LBX1: variants seen among roughly 807,000 people sequenced by gnomAD.
The protein encoded by LBX1 is ladybird homeobox 1.
Under a neutral mutation model 19.9 loss-of-function variants are expected in LBX1, and 6 were observed. That is an observed-to-expected ratio of 0.30 (90% CI 0.17 to 0.60). The LOEUF (loss-of-function observed/expected upper bound fraction) is 0.60. Ranked by LOEUF, LBX1 falls within the 20% of genes least tolerant of loss-of-function variation. The probability of loss-of-function intolerance (pLI) is 0.87; values close to 1 mark genes in which losing one functional copy is unlikely to be tolerated. For missense variants in LBX1, 344 were observed against 393.7 expected, an observed-to-expected ratio of 0.87 and a Z score of 1.07; for synonymous variants, 190 against 189.3, an observed-to-expected ratio of 1.00 and a Z score of -0.03.
In LBX1 at chr10:101,227,399, T is replaced by A; in HGVS notation, c.717A>T (p.Pro239=). 2 of 1,601,910 alleles carry A rather than the reference T, an allele frequency of 1.2e-6. No individual in the cohort carries two copies. The highest frequency in any genetic ancestry group is 1.7e-6 in the Non-Finnish European group (2 of 1,176,618). ...KSRPGSPVLP[P]GAPKAPGAGA... The stretch of plus-strand genomic sequence containing the variant: ...CAGCGCCCGGGGCCTTCGGGGCGCC[T>A]GGGGGGAGGACCGGAGAGCCGGGCC... The change falls in exon 2 of 2, where the codon CCA becomes CCT. Residue 239 remains proline, a synonymous_variant. Transcript: ENST00000370193.
In LBX1 at chr10:101,227,153, A is replaced by G; in HGVS notation, c.*117T>C. ...AGGAGCCGAGTCCGGGGCCGGGGACAGGGGAGGAGGCGGGAGTTGGCAGAG... is the reference window on the plus strand; with the variant it reads ...AGGAGCCGAGTCCGGGGCCGGGGACGGGGGAGGAGGCGGGAGTTGGCAGAG... On this transcript the variant is annotated 3_prime_UTR_variant, in exon 2 of 2. Transcript: ENST00000370193. 1 of 983,890 alleles carries G rather than the reference A, an allele frequency of 1.0e-6. No individual in the cohort carries two copies. Among genetic ancestry groups the G allele is most frequent in the Non-Finnish European group, 1.5e-6 (1 of 683,272 alleles). 60.9% of individuals were successfully genotyped at this position (983,890 alleles called of 1,614,324 possible). A position where few individuals can be genotyped will look rare whatever the true frequency, so the allele number is the denominator to read the frequency against.
chr10:101,228,141 A>G (rs1590156714), intron 1 of LBX1, among the ~76,000 whole-genome samples: 1 of 152,046 alleles, frequency 6.6e-6, no homozygotes, highest in African/African-American at 2.4e-5. Flanking sequence ...CTTCAACTCT[A>G]CCCTACCCAT....
rs1408032429 is a variant in LBX1, at chr10:101,227,405, G to A, written c.711C>T (p.Leu237=). 3.1e-6 allele frequency: 5 copies of A among 1,598,976 alleles called. No homozygotes were observed. Among genetic ancestry groups the A allele is most frequent in the Non-Finnish European group, 3.4e-6 (4 of 1,175,116 alleles). The part of the protein sequence containing the change: ...RAKSRPGSPV[L]PPGAPKAPGA... ...CCGGGGCCTTCGGGGCGCCTGGGGG[G>A]AGGACCGGAGAGCCGGGCCTCGACT... is the stretch of plus-strand genomic sequence containing the variant. Residue 237 remains leucine (L), a synonymous_variant, in exon 2 of 2, where the codon CTC becomes CTT. Transcript: ENST00000370193.
At position 101,228,710 on chromosome 10, in the gene LBX1, A is replaced by G; in HGVS notation, c.106T>C (p.Phe36Leu). The change falls in exon 1 of 2, where the codon TTC becomes CTC. Residue 36 changes from phenylalanine to leucine, a missense_variant. Coordinates refer to ENST00000370193, the MANE Select transcript of LBX1 (RefSeq NM_006562.5). Reference sequence around the variant, plus strand: ...TTGTTGAGGATGTCCTCGATGCTGAACGGCGTCAGTGGCTTGTTGGAGTTG... The same window carrying G: ...TTGTTGAGGATGTCCTCGATGCTGAGCGGCGTCAGTGGCTTGTTGGAGTTG... ...PANSNKPLTP[F>L]SIEDILNKPS... 6.2e-7 allele frequency: 1 copy of G among 1,608,418 alleles called. No homozygotes were observed. Among genetic ancestry groups the G allele is most frequent in the African/African-American group, 1.4e-5 (1 of 73,854 alleles).
chr10:101,228,915 T>C lies in LBX1; in HGVS notation c.-100A>G. 1.3e-6 allele frequency: 1 copy of C among 787,690 alleles called. No homozygotes were observed. Among genetic ancestry groups the C allele is most frequent in the Non-Finnish European group, 1.7e-6 (1 of 590,794 alleles). 48.8% of individuals were successfully genotyped at this position (787,690 alleles called of 1,614,324 possible). On this transcript the variant is annotated 5_prime_UTR_variant, in exon 1 of 2. Transcript: ENST00000370193. The stretch of plus-strand genomic sequence containing the variant: ...GACGGCGCGGGCAGGCAGCGGCGGG[T>C]GGAAAGGAGGCCGCACTGGGCAGGG...
Position 101,228,869 on chromosome 10 carries a change from C to T in LBX1, c.-54G>A. 1.6e-6 allele frequency: 2 copies of T among 1,260,750 alleles called. No individual in the cohort carries two copies. The highest frequency in any genetic ancestry group is 2.8e-4 in the Middle Eastern group (1 of 3,512). The allele number at this position is 1,260,750 out of a possible 1,614,324, so 78.1% of individuals were successfully genotyped here. A position where few individuals can be genotyped will look rare whatever the true frequency, so the allele number is the denominator to read the frequency against. On this transcript the variant is annotated 5_prime_UTR_variant, in exon 1 of 2. Transcript: ENST00000370193. The stretch of plus-strand genomic sequence containing the variant: ...GCGGCTCGGGCCGCGGGGACCCAGC[C>T]CGCGGGCAGCTCGGGCGCCGGACGG...
chr10:101,227,314 A>C lies in LBX1; in HGVS notation c.802T>G (p.Cys268Gly). Residue 268 changes from cysteine to glycine, a missense_variant, in exon 2 of 2, where the codon TGC (cysteine) becomes GGC (glycine). Cys to Gly is a radical substitution (Grantham distance 159). Transcript: ENST00000370193. ...TCTTCGTCTTCCTCGTCCTCCGAGCAGTCCTGGCTGCTGGCCGGCTGGTCC... is the reference window on the plus strand; with the variant it reads ...TCTTCGTCTTCCTCGTCCTCCGAGCCGTCCTGGCTGCTGGCCGGCTGGTCC... ...LTDQPASSQD[C>G]SEDEEDEEID... is the part of the protein sequence containing the mutation. 6.2e-7 allele frequency: 1 copy of C among 1,608,280 alleles called. No individual in the cohort carries two copies. Among genetic ancestry groups the C allele is most frequent in the Non-Finnish European group, 8.5e-7 (1 of 1,178,476 alleles).
Position 101,227,083 on chromosome 10 carries a change from C to A in LBX1, c.*187G>T. ...GGCCGCTGGTGGCGGCCGGCCCGGCCGGCCAGCCTGGGTTTATTGCTTCGA... is the reference window on the plus strand; with the variant it reads ...GGCCGCTGGTGGCGGCCGGCCCGGCAGGCCAGCCTGGGTTTATTGCTTCGA... On this transcript the variant is annotated 3_prime_UTR_variant, in exon 2 of 2. Coordinates refer to ENST00000370193, the MANE Select transcript of LBX1 (RefSeq NM_006562.5). 1.9e-6 allele frequency: 1 copy of A among 540,440 alleles called. No homozygotes were observed. The highest frequency in any genetic ancestry group is 3.1e-6 in the Non-Finnish European group (1 of 322,462). 33.5% of individuals were successfully genotyped at this position (540,440 alleles called of 1,614,324 possible). A position where few individuals can be genotyped will look rare whatever the true frequency, so the allele number is the denominator to read the frequency against.
rs779784691 is a variant in LBX1 at position 101,227,390 on chromosome 10, C to A, written c.726G>T (p.Pro242=). ...GCAGGGCGCCAGCGCCCGGGGCCTT[C>A]GGGGCGCCTGGGGGGAGGACCGGAG... ...PGSPVLPPGA[P]KAPGAGALQL... is the part of the protein sequence containing the mutation. The change falls in exon 2 of 2, where the codon CCG becomes CCT. Residue 242 remains proline, a synonymous_variant. Transcript: ENST00000370193. 6.2e-7 allele frequency: 1 copy of A among 1,604,006 alleles called. No homozygotes were observed. Among genetic ancestry groups the A allele is most frequent in the Non-Finnish European group, 8.5e-7 (1 of 1,177,332 alleles).
At position 101,227,276 on chromosome 10, in the gene LBX1, G is replaced by T. The variant is rs577653354; in HGVS notation, c.840C>A (p.Asp280Glu). 5.0e-6 allele frequency: 8 copies of T among 1,604,610 alleles called. No individual in the cohort carries two copies. Among genetic ancestry groups the T allele is most frequent in the Non-Finnish European group, 6.8e-6 (8 of 1,177,364 alleles). ...EDEEDEEIDV[D>E]D ...GGAAGACCCGGGGCGCCGCTCAATC[G>T]TCCACGTCGATCTCTTCGTCTTCCT... The change falls in exon 2 of 2, where the codon GAC becomes GAA. Residue 280 changes from aspartate to glutamate, a missense_variant. Asp to Glu is a conservative substitution (Grantham distance 45). Transcript: ENST00000370193.
intron 1 of LBX1, among the ~76,000 whole-genome samples, chr10:101,228,212 G>A (rs1000898245): frequency 6.6e-6 from 1 of 152,160 alleles, no homozygotes; most frequent in Admixed American, 6.5e-5. Flanking sequence ...AGAGCGCCCA[G>A]GACACTGGGA....
rs778251802 is a variant in LBX1, at chr10:101,227,381, C to T, written c.735G>A (p.Pro245=). Reference sequence around the variant, plus strand: ...GCGAGAGCTGCAGGGCGCCAGCGCCCGGGGCCTTCGGGGCGCCTGGGGGGA... The same window carrying T: ...GCGAGAGCTGCAGGGCGCCAGCGCCTGGGGCCTTCGGGGCGCCTGGGGGGA... The part of the protein sequence containing the change: ...PVLPPGAPKA[P]GAGALQLSPA... Residue 245 remains proline (P), a synonymous_variant, in exon 2 of 2, where the codon CCG becomes CCA. Transcript: ENST00000370193. 6.2e-7 allele frequency: 1 copy of T among 1,604,320 alleles called. No individual in the cohort carries two copies. Among genetic ancestry groups the T allele is most frequent in the African/African-American group, 1.3e-5 (1 of 74,534 alleles).
In LBX1 at chr10:101,227,432, G is replaced by T; in HGVS notation, c.684C>A (p.Ala228=). The T allele has an allele frequency of 6.3e-7, 1 of 1,595,088 alleles. No homozygotes were observed. The change falls in exon 2 of 2, where the codon GCC becomes GCA. Residue 228 remains alanine (A), a synonymous_variant. Coordinates refer to ENST00000370193, the MANE Select transcript of LBX1 (RefSeq NM_006562.5). ...TAGGGGGCGR[A]KSRPGSPVLP... The stretch of plus-strand genomic sequence containing the variant: ...GGACCGGAGAGCCGGGCCTCGACTT[G>T]GCCCTGCCGCAGCCGCCGCCACCGC...
At chr10:101,228,450 G>T (rs1165163153) in intron 1 of LBX1, 41 bp downstream of exon 1, 2 of 1,478,326 alleles carry the variant, frequency 1.4e-6, no homozygotes, top group Non-Finnish European at 1.8e-6. Flanking sequence ...GGCACAGGGC[G>T]CGAGGCGCTG....
intron 1 of LBX1, 90 bp downstream of exon 1, chr10:101,228,401 G>GGCT: frequency 9.8e-7 from 1 of 1,023,192 alleles, no homozygotes; most frequent in South Asian, 1.6e-5. Flanking sequence ...GGCCGGAGAG[G>GGCT]GCAGAGGCGA....
At chr10:101,228,230 G>C (rs1941068328) in intron 1 of LBX1, among the ~76,000 whole-genome samples, 1 of 152,148 alleles carries the variant, frequency 6.6e-6, no homozygotes, top group Non-Finnish European at 1.5e-5. Context: ...GGAACGCAAG[G>C]GAGCCCGGCA....
chr10:101,228,306 C>G (rs1206694764), intron 1 of LBX1, among the ~76,000 whole-genome samples, 185 bp downstream of exon 1: 1 of 152,226 alleles, frequency 6.6e-6, no homozygotes, highest in South Asian at 2.1e-4. Context: ...CTGGCCTACC[C>G]AGAGGTCCCT....
In LBX1 at chr10:101,227,458, C is replaced by G; in HGVS notation, c.658G>C (p.Gly220Arg). Residue 220 changes from glycine (G) to arginine (R), a missense_variant, in exon 2 of 2, where the codon GGC (glycine) becomes CGC (arginine). This residue lies in a region of LBX1 where 146 missense variants were observed against 124.2 expected (regional missense o/e 1.18). Coordinates refer to ENST00000370193, the MANE Select transcript of LBX1 (RefSeq NM_006562.5). ...GCCCTGCCGCAGCCGCCGCCACCGC[C>G]GGCTGTGGCCTCCGAGTTCTGCTCG... Reference protein sequence around the residue: ...ELEQNSEATAGGGGGCGRAKS... With the variant: ...ELEQNSEATARGGGGCGRAKS... The G allele has an allele frequency of 6.3e-7, 1 of 1,599,452 alleles. No homozygotes were observed. The highest frequency in any genetic ancestry group is 8.5e-7 in the Non-Finnish European group (1 of 1,172,018).
Position 101,228,610 on chromosome 10 carries a change from C to T in LBX1, c.206G>A (p.Gly69Asp), listed in dbSNP as rs1941074577. The T allele has an allele frequency of 4.5e-6, 7 of 1,566,344 alleles. No homozygotes were observed. The East Asian group carries it at 1.6e-4, about 37-fold the overall frequency. The change falls in exon 1 of 2, where the codon GGC becomes GAC. Residue 69 changes from glycine (G) to aspartate (D), a missense_variant. Around this residue, in one of 3 missense-constraint regions of LBX1, gnomAD observed 153 missense variants for 168.9 expected, o/e 0.91. Coordinates refer to ENST00000370193, the MANE Select transcript of LBX1 (RefSeq NM_006562.5). ...CGCGCGGCCCGCCAGGGGCAAGCCG[C>T]CCTGCGCGTGCTTGTCCGCGGCGGC... ...LLAAADKHAQ[G>D]GLPLAGRALL...
Sources: gnomAD v4.1 joint callset for allele counts (sites outside exome capture counted in the v4.1 genomes callset) on GRCh38, gnomAD v4.1.1 for gene constraint, gnomAD v4.1.1 regional missense constraint, MANE v1.5 for transcripts, NCBI Gene and HGNC (gene_info 2026-07-23, HGNC 2026-07-21) for gene names.